MYO5B: variants seen among roughly 807,000 people sequenced by gnomAD.
MYO5B encodes myosin VB, also known as unconventional myosin-Vb.
In MYO5B, 143 loss-of-function variants were observed where a neutral mutation model predicts 229.3. The ratio of observed to expected loss-of-function variants is 0.62; its 90% CI spans 0.54 to 0.72. The LOEUF (loss-of-function observed/expected upper bound fraction) is 0.72. Ranked by LOEUF, MYO5B falls within the 30% of genes least tolerant of loss-of-function variation. The pLI is 0.00. For synonymous variants in MYO5B, 918 were observed against 885.2 expected (o/e 1.04, Z -0.66); for missense variants, 2,321 against 2,331.0 (o/e 1.00, Z 0.09).
At chr18:49,917,980 T>C (rs747644967) in intron 17 of MYO5B, among the ~76,000 whole-genome samples, 4 of 152,068 alleles carry the variant, frequency 2.6e-5, no homozygotes, top group Non-Finnish European at 4.4e-5. Flanking sequence ...CAAAGGCCAA[T>C]ATGGGATGGG....
At chr18:49,835,636 C>A (rs538183322) in intron 38 of MYO5B, among the ~76,000 whole-genome samples, 1 of 152,176 alleles carries the variant, frequency 6.6e-6, no homozygotes. Flanking sequence ...GCCCTCTCAC[C>A]GAACTCATGT....
At position 49,902,792 on chromosome 18, in the gene MYO5B, C is replaced by T. The variant is rs773991398; in HGVS notation, c.2613G>A (p.Val871=). Residue 871 remains valine, a synonymous_variant, in exon 21 of 40, where the codon GTG becomes GTA. Transcript: ENST00000285039. ...AGTGCCTGCGTGCCATCCAGCCCCG[C>T]ACGTGCTTCTGGATGGTGGTGGCCT... ...EHKATTIQKH[V]RGWMARRHFQ... The T allele has an allele frequency of 6.2e-7, 1 of 1,602,828 alleles. No individual in the cohort carries two copies. The highest frequency in any genetic ancestry group is 1.1e-5 in the South Asian group (1 of 91,076).
intron 16 of MYO5B, among the ~76,000 whole-genome samples, chr18:49,929,834 G>T (rs1891507509): frequency 6.6e-6 from 1 of 152,066 alleles, no homozygotes; most frequent in Non-Finnish European, 1.5e-5. Flanking sequence ...AGGCTTTTGT[G>T]CACATTCTCA....
intron 14 of MYO5B, among the ~76,000 whole-genome samples, chr18:49,943,754 G>A (rs1310259180): frequency 6.6e-6 from 1 of 152,164 alleles, no homozygotes; most frequent in East Asian, 1.9e-4. Flanking sequence ...GGTCTAGCAT[G>A]GAAGGTGAAT....
chr18:50,176,477 C>T (rs1555666739), intron 1 of MYO5B, among the ~76,000 whole-genome samples: 2 of 152,140 alleles, frequency 1.3e-5, no homozygotes, highest in South Asian at 2.1e-4. Flanking sequence ...TAAATGCATC[C>T]ATGAGCCAGA....
At chr18:50,041,987 TG>T (rs2030029908) in intron 2 of MYO5B, among the ~76,000 whole-genome samples, 2 of 152,128 alleles carry the variant, frequency 1.3e-5, no homozygotes, top group African/African-American at 4.8e-5. Context: ...CATGAACAGA[TG>T]AAAAACTATT....
At chr18:50,054,426 C>T (rs962958089) in intron 2 of MYO5B, among the ~76,000 whole-genome samples, 7 of 152,334 alleles carry the variant, frequency 4.6e-5, no homozygotes, top group African/African-American at 1.4e-4. Context: ...TACTTTGTCT[C>T]CCTTTTGTGT....
intron 7 of MYO5B, among the ~76,000 whole-genome samples, chr18:49,985,389 G>C (rs1306480345): frequency 6.6e-6 from 1 of 152,166 alleles, no homozygotes; most frequent in Non-Finnish European, 1.5e-5. Context: ...TCTTCAGTCA[G>C]GCCTCTGGTA....
At chr18:50,046,444 T>C (rs560148421) in intron 2 of MYO5B, among the ~76,000 whole-genome samples, 2 of 152,214 alleles carry the variant, frequency 1.3e-5, no homozygotes, top group Non-Finnish European at 2.9e-5. Flanking sequence ...GTTTCCCTAA[T>C]TGTAAGATGG....
At position 49,874,797 on chromosome 18, in the gene MYO5B, TG is replaced by T. The variant is rs1394444703; in HGVS notation, c.3537+889del. Among the ~76,000 whole-genome samples the T allele has an allele frequency of 2.6e-5, 4 of 152,196 alleles. No individual in the cohort carries two copies. In the East Asian group the frequency reaches 7.7e-4, roughly 29 times the overall value. On this transcript the variant is annotated intron_variant, in intron 26 of 39. Coordinates refer to ENST00000285039, the MANE Select transcript of MYO5B (RefSeq NM_001080467.3). ...ATATAACCCATGGCAGAATTGGCCT[TG>T]TACCCTTTAGAAGTGGTCCTTCTAT...
Position 49,937,267 on chromosome 18 carries a change from T to A in MYO5B, c.1883A>T (p.His628Leu). The A allele has an allele frequency of 1.2e-6, 2 of 1,614,154 alleles. No individual in the cohort carries two copies. The highest frequency in any genetic ancestry group is 1.7e-6 in the Non-Finnish European group (2 of 1,179,994). The change falls in exon 15 of 40, where the codon CAC (histidine) becomes CTC (leucine). Residue 628 changes from histidine to leucine, a missense_variant. Around this residue, in one of 2 missense-constraint regions of MYO5B, gnomAD observed 2,113 missense variants for 2,044.7 expected, o/e 1.03. Coordinates refer to ENST00000285039, the MANE Select transcript of MYO5B (RefSeq NM_001080467.3). ...RPPMKVSNKE[H>L]KKTVGHQFRT... The stretch of plus-strand genomic sequence containing the variant: ...GACCTGGTGGCCAACGGTTTTCTTG[T>A]GCTCCTTGTTGGAGACTTTCATGGG...
intron 17 of MYO5B, among the ~76,000 whole-genome samples, chr18:49,929,203 G>C (rs2025162075): frequency 6.6e-6 from 1 of 152,192 alleles, no homozygotes; most frequent in Admixed American, 6.5e-5. Flanking sequence ...GGACAAGGTA[G>C]GAATTGAGAG....
At chr18:50,048,556 T>C (rs1161734590) in intron 2 of MYO5B, among the ~76,000 whole-genome samples, 1 of 152,112 alleles carries the variant, frequency 6.6e-6, no homozygotes, top group Non-Finnish European at 1.5e-5. Flanking sequence ...CCACCTGAAG[T>C]GATCAACATC....
At chr18:49,973,615 A>G (rs1276852595) in intron 10 of MYO5B, among the ~76,000 whole-genome samples, 1 of 152,222 alleles carries the variant, frequency 6.6e-6, no homozygotes, top group African/African-American at 2.4e-5. Context: ...AACTTCAAAC[A>G]AGGACCTAGA....
Position 49,826,048 on chromosome 18 carries a change from T to TTAG in MYO5B, c.*420_*422dup. ...TCAGTATATGCCATTATCATGGTTA[T>TTAG]TAGTACCATTATTTGTTAAAGCCCT... On this transcript the variant is annotated 3_prime_UTR_variant, in exon 40 of 40. Transcript: ENST00000285039. The TTAG allele has an allele frequency of 4.5e-6, 1 of 222,870 alleles. No individual in the cohort carries two copies. Among genetic ancestry groups the TTAG allele is most frequent in the Non-Finnish European group, 9.0e-6 (1 of 111,032 alleles). The allele number at this position is 222,870 out of a possible 1,614,324, so 13.8% of individuals were successfully genotyped here.
chr18:50,183,743 G>A (rs2033109083), intron 1 of MYO5B, among the ~76,000 whole-genome samples: 1 of 151,894 alleles, frequency 6.6e-6, no homozygotes, highest in Non-Finnish European at 1.5e-5. Context: ...TGTGGCGGGG[G>A]TGGGAGGCGG....
intron 1 of MYO5B, among the ~76,000 whole-genome samples, chr18:50,088,517 C>A (rs1484503805): frequency 6.6e-6 from 1 of 152,164 alleles, no homozygotes; most frequent in Non-Finnish European, 1.5e-5. Context: ...TCATTTAACT[C>A]CAGGTTTGTT....
At chr18:50,124,876 G>C (rs779273378) in intron 1 of MYO5B, among the ~76,000 whole-genome samples, 1 of 152,122 alleles carries the variant, frequency 6.6e-6, no homozygotes, top group Non-Finnish European at 1.5e-5. Context: ...ATAAGAATTG[G>C]GAAGCCCCAC....
At position 49,984,755 on chromosome 18, in the gene MYO5B, C is replaced by T. The variant is rs774529155; in HGVS notation, c.909G>A (p.Glu303=). ...AGGCTTGTCGAGTCTTCTCAAAGTCCTCAGCATCGTCCACACCCTCGATGG... is the reference window on the plus strand; with the variant it reads ...AGGCTTGTCGAGTCTTCTCAAAGTCTTCAGCATCGTCCACACCCTCGATGG... The part of the protein sequence containing the change: ...DTSIEGVDDA[E]DFEKTRQAFT... Residue 303 remains glutamate, a synonymous_variant, in exon 8 of 40, where the codon GAG becomes GAA. Coordinates refer to ENST00000285039, the MANE Select transcript of MYO5B (RefSeq NM_001080467.3). 3 of 1,613,910 alleles carry T rather than the reference C, an allele frequency of 1.9e-6. No homozygotes were observed. The highest frequency in any genetic ancestry group is 2.5e-6 in the Non-Finnish European group (3 of 1,179,824).
Sources: gnomAD v4.1 joint callset for allele counts (sites outside exome capture counted in the v4.1 genomes callset) on GRCh38, gnomAD v4.1.1 for gene constraint, gnomAD v4.1.1 regional missense constraint, MANE v1.5 for transcripts, NCBI Gene and HGNC (gene_info 2026-07-23, HGNC 2026-07-21) for gene names.